The following DLG2 variants were observed in gnomAD, a reference collection of about 807,000 sequenced individuals.
DLG2 encodes discs large MAGUK scaffold protein 2.
In DLG2, 45 loss-of-function variants were observed where a neutral mutation model predicts 132.5. That is an observed-to-expected ratio of 0.34 (90% CI 0.27 to 0.44). The LOEUF is 0.44. Ranked by LOEUF, DLG2 falls within the 20% of genes least tolerant of loss-of-function variation. The probability of loss-of-function intolerance (pLI) is 1.00; values close to 1 mark genes in which losing one functional copy is unlikely to be tolerated. For synonymous variants in DLG2, 424 were observed against 419.6 expected (o/e 1.01, Z -0.13); for missense variants, 1,045 against 1,196.9 (o/e 0.87, Z 1.87).
chr11:85,171,303 C>G (rs180843523), intron 4 of DLG2, among the ~76,000 whole-genome samples: 1 of 152,288 alleles, frequency 6.6e-6, no homozygotes, highest in African/African-American at 2.4e-5. Flanking sequence ...CGGAGCAGCA[C>G]AGAGCCAGGG....
At chr11:85,105,827 CTT>C (rs1479829870) in intron 6 of DLG2, among the ~76,000 whole-genome samples, 1 of 151,842 alleles carries the variant, frequency 6.6e-6, no homozygotes, top group Non-Finnish European at 1.5e-5. Flanking sequence ...AGGGTGCTGC[CTT>C]CATAGAAGCT....
At chr11:84,540,415 T>C (rs2099365547) in intron 6 of DLG2, among the ~76,000 whole-genome samples, 1 of 150,604 alleles carries the variant, frequency 6.6e-6, no homozygotes, top group Admixed American at 6.6e-5. Context: ...AAGAAGACAT[T>C]TATGCAGCCA....
intron 6 of DLG2, among the ~76,000 whole-genome samples, chr11:84,693,531 A>AT: frequency 6.6e-6 from 1 of 151,722 alleles, no homozygotes; most frequent in South Asian, 2.1e-4. Context: ...GTGCCTCTCC[A>AT]TAACAGCATA....
intron 7 of DLG2, among the ~76,000 whole-genome samples, chr11:84,392,041 T>C (rs762197833): frequency 2.0e-5 from 3 of 152,220 alleles, no homozygotes; most frequent in Non-Finnish European, 4.4e-5. Flanking sequence ...ATCTACCTAA[T>C]GGAGTCTTTG....
At chr11:85,527,071 A>G (rs770707064) in intron 3 of DLG2, among the ~76,000 whole-genome samples, 1 of 152,202 alleles carries the variant, frequency 6.6e-6, no homozygotes, top group Non-Finnish European at 1.5e-5. Context: ...AGTCTTGAAT[A>G]CAAACTTTCA....
rs528442091 is a variant in DLG2, at chr11:85,357,394, G to A, written c.41-72029C>T. Among the ~76,000 whole-genome samples the A allele has an allele frequency of 6.0e-5, 9 of 149,990 alleles. No individual in the cohort carries two copies. In the South Asian group the frequency reaches 8.5e-4, roughly 14 times the overall value. On this transcript the variant is annotated intron_variant, in intron 3 of 27. Transcript: ENST00000376104. ...TTTTTAGTAGAGAAGGGTTTTCACCGTGTTAGCCAGGATGGTCTCAATCTC... is the reference window on the plus strand; with the variant it reads ...TTTTTAGTAGAGAAGGGTTTTCACCATGTTAGCCAGGATGGTCTCAATCTC...
Position 83,948,020 on chromosome 11 carries a change from A to G in DLG2, c.1340+14865T>C, listed in dbSNP as rs546345984. On this transcript the variant is annotated intron_variant, in intron 14 of 27. Transcript: ENST00000376104. Reference sequence around the variant, plus strand: ...CTGTGCAGTACTAGATAGCTGTGACAGTTTACTAGTACTATTATAAATTCA... The same window carrying G: ...CTGTGCAGTACTAGATAGCTGTGACGGTTTACTAGTACTATTATAAATTCA... Among the ~76,000 whole-genome samples, 10 of 152,352 alleles carry G rather than the reference A, an allele frequency of 6.6e-5. No individual in the cohort carries two copies. In the South Asian group the frequency reaches 2.1e-3, roughly 32 times the overall value.
At chr11:85,619,634 G>A (rs999659031) in intron 2 of DLG2, among the ~76,000 whole-genome samples, 2 of 151,962 alleles carry the variant, frequency 1.3e-5, no homozygotes, top group Non-Finnish European at 2.9e-5. Context: ...AGGAGTTTGA[G>A]GTCAGCCTGC....
intron 6 of DLG2, among the ~76,000 whole-genome samples, chr11:84,934,525 G>GTTTTTTT (rs757894179): frequency 1.5e-3 from 57 of 38,634 alleles, no homozygotes; most frequent in Admixed American, 2.6e-3. Context: ...GTTTTGTTTT[G>GTTTTTTT]TTTTTTTTTT....
chr11:83,480,446 C>A (rs765082302), intron 22 of DLG2: 4 of 1,532,006 alleles, frequency 2.6e-6, no homozygotes, highest in Non-Finnish European at 1.8e-6. Flanking sequence ...TAAAGAGATA[C>A]CAAGCATTGA....
intron 6 of DLG2, among the ~76,000 whole-genome samples, chr11:84,741,856 A>G (rs2153824189): frequency 6.6e-6 from 1 of 152,256 alleles, no homozygotes; most frequent in African/African-American, 2.4e-5. Flanking sequence ...AAAAGGAATA[A>G]AAAATAATTA....
chr11:83,696,809 G>A lies in DLG2; in HGVS notation c.1826-63484C>T, dbSNP rs186007686. Among the ~76,000 whole-genome samples, 11 of 152,292 alleles carry A rather than the reference G, an allele frequency of 7.2e-5. No individual in the cohort carries two copies. The East Asian group carries it at 1.2e-3, about 16-fold the overall frequency. On this transcript the variant is annotated intron_variant, in intron 18 of 27. Coordinates refer to ENST00000376104, the MANE Select transcript of DLG2 (RefSeq NM_001142699.3). The stretch of plus-strand genomic sequence containing the variant: ...CATGGTCCCTAACATGAAGGACTTC[G>A]TAGTCACAAATGGAAGAAAAGTGAT...
intron 7 of DLG2, among the ~76,000 whole-genome samples, chr11:84,307,062 A>C (rs1479154214): frequency 6.6e-6 from 1 of 152,218 alleles, no homozygotes; most frequent in Non-Finnish European, 1.5e-5. Context: ...TGTTCTTTGC[A>C]GCACTTTTCA....
At chr11:84,131,500 C>G (rs547485045) in intron 9 of DLG2, among the ~76,000 whole-genome samples, 4 of 151,806 alleles carry the variant, frequency 2.6e-5, no homozygotes, top group Non-Finnish European at 5.9e-5. Flanking sequence ...TTTCTTTCAC[C>G]CTATAGAATT....
intron 15 of DLG2, among the ~76,000 whole-genome samples, chr11:83,882,606 T>C (rs1344129960): frequency 6.6e-6 from 1 of 152,210 alleles, no homozygotes; most frequent in East Asian, 1.9e-4. Context: ...ACCATTTTTT[T>C]CTTTTAAATA....
chr11:84,356,202 A>C lies in DLG2; in HGVS notation c.520-104911T>G, dbSNP rs184442188. 2.0e-5 allele frequency among the ~76,000 whole-genome samples: 3 copies of C among 152,264 alleles called. No individual in the cohort carries two copies. In the East Asian group the frequency reaches 5.8e-4, roughly 29 times the overall value. ...CACTTTATCCATTTCTATAGCAGGA[A>C]ATTGTAATTACCACAAATGTACATA... On this transcript the variant is annotated intron_variant, in intron 7 of 27. Coordinates refer to ENST00000376104, the MANE Select transcript of DLG2 (RefSeq NM_001142699.3).
At chr11:85,045,732 G>A (rs78665287) in intron 6 of DLG2, among the ~76,000 whole-genome samples, 2,975 of 152,042 alleles carry the variant, frequency 0.02, 51 homozygotes, top group Admixed American at 0.042. Flanking sequence ...TAAAGTTCAA[G>A]TGCATGAGCT....
At chr11:84,804,455 C>G (rs1480148051) in intron 6 of DLG2, among the ~76,000 whole-genome samples, 1 of 152,250 alleles carries the variant, frequency 6.6e-6, no homozygotes, top group East Asian at 1.9e-4. Context: ...AATAAAACCC[C>G]TGGGCATTAT....
chr11:85,069,864 T>C (rs547594462), intron 6 of DLG2, among the ~76,000 whole-genome samples: 561 of 152,232 alleles, frequency 3.7e-3, no homozygotes, highest in Non-Finnish European at 5.5e-3. Context: ...GTATGTTTAT[T>C]GTGGCACTAT....
Sources: allele counts gnomAD v4.1 joint callset (sites outside exome capture counted in the v4.1 genomes callset), GRCh38; gene constraint gnomAD v4.1.1; transcripts MANE v1.5; gene names NCBI Gene and HGNC (gene_info 2026-07-23, HGNC 2026-07-21).